Variants in KANSL1L observed in about 807,000 individuals in gnomAD.
KANSL1L encodes KAT8 regulatory NSL complex subunit 1-like protein.
In KANSL1L, 25 loss-of-function variants were observed where a neutral mutation model predicts 108.6. The ratio of observed to expected loss-of-function variants is 0.23; its 90% CI spans 0.17 to 0.32. KANSL1L has a LOEUF of 0.32. Ranked by LOEUF, KANSL1L falls within the 10% of genes least tolerant of loss-of-function variation. The probability of loss-of-function intolerance (pLI) is 1.00; values close to 1 mark genes in which losing one functional copy is unlikely to be tolerated. For synonymous variants in KANSL1L, 405 were observed against 395.1 expected (o/e 1.03, Z -0.30); for missense variants, 1,137 against 1,125.7 (o/e 1.01, Z -0.14).
At chr2:210,126,263 G>A (rs1463178931) in intron 3 of KANSL1L, among the ~76,000 whole-genome samples, 2 of 152,002 alleles carry the variant, frequency 1.3e-5, no homozygotes, top group Admixed American at 1.3e-4. Context: ...AGATAACCAA[G>A]GAGTTGATAG....
At chr2:210,141,447 G>A (rs2095228852) in intron 2 of KANSL1L, among the ~76,000 whole-genome samples, 1 of 152,048 alleles carries the variant, frequency 6.6e-6, no homozygotes. Flanking sequence ...TATAAAAGAG[G>A]CCTGAGGAAG....
chr2:210,124,432 A>T (rs570503138), intron 3 of KANSL1L, among the ~76,000 whole-genome samples: 45 of 152,296 alleles, frequency 3.0e-4, no homozygotes, highest in African/African-American at 1.1e-3. Context: ...AAAAATTAGA[A>T]AACAGTTAGA....
At chr2:210,084,513 G>A (rs2094618874) in intron 5 of KANSL1L, among the ~76,000 whole-genome samples, 1 of 151,848 alleles carries the variant, frequency 6.6e-6, no homozygotes, top group Admixed American at 6.6e-5. Flanking sequence ...AATATTAACT[G>A]AAAAAGATAT....
intron 5 of KANSL1L, among the ~76,000 whole-genome samples, chr2:210,084,958 T>C (rs762349748): frequency 1.3e-4 from 20 of 152,220 alleles, no homozygotes; most frequent in East Asian, 1.9e-4. Context: ...GAAATGGCTA[T>C]TGAAAATAAA....
At chr2:210,058,836 C>CAAA (rs71043968) in intron 6 of KANSL1L, among the ~76,000 whole-genome samples, 1 of 65,812 alleles carries the variant, frequency 1.5e-5, no homozygotes, top group African/African-American at 5.8e-5. Flanking sequence ...GACTCCGTCT[C>CAAA]AAAAAAAAAA....
chr2:210,161,348 A>G (rs2095360331), intron 1 of KANSL1L, among the ~76,000 whole-genome samples: 1 of 152,146 alleles, frequency 6.6e-6, no homozygotes, highest in African/African-American at 2.4e-5. Context: ...CTTAAATCAT[A>G]TCATTCTAAA....
At chr2:210,131,058 G>A (rs1255557732) in intron 2 of KANSL1L, among the ~76,000 whole-genome samples, 2 of 152,092 alleles carry the variant, frequency 1.3e-5, no homozygotes, top group Non-Finnish European at 2.9e-5. Flanking sequence ...GAGCAAATGC[G>A]CTGTAAGCAA....
At chr2:210,039,349 C>A (rs529435689) in intron 8 of KANSL1L, among the ~76,000 whole-genome samples, 84 of 151,958 alleles carry the variant, frequency 5.5e-4, no homozygotes, top group African/African-American at 1.9e-3. Flanking sequence ...CATGTAGGTA[C>A]TCGTTAAGTT....
chr2:210,100,812 A>G (rs575605202), intron 4 of KANSL1L, among the ~76,000 whole-genome samples: 5 of 152,038 alleles, frequency 3.3e-5, no homozygotes, highest in Admixed American at 6.5e-5. Context: ...TACTTTTTGT[A>G]TTTTTTGTAG....
rs1054194279 is a variant in KANSL1L at position 210,022,160 on chromosome 2, A to G, written c.*789T>C. 6.6e-6 allele frequency: 1 copy of G among 151,944 alleles called. No homozygotes were observed. The highest frequency in any genetic ancestry group is 6.6e-5 in the Admixed American group (1 of 15,238). The allele number at this position is 151,944 out of a possible 1,614,324, so 9.4% of individuals were successfully genotyped here. A position where few individuals can be genotyped will look rare whatever the true frequency, so the allele number is the denominator to read the frequency against. ...TTAAAGTGCACCAATATTTGACTCA[A>G]ATTTGCTTGCTTTATTTTGTTAGGA... On this transcript the variant is annotated 3_prime_UTR_variant, in exon 15 of 15. Transcript: ENST00000281772.
At chr2:210,156,883 T>G (rs1238895871) in intron 1 of KANSL1L, among the ~76,000 whole-genome samples, 1 of 152,044 alleles carries the variant, frequency 6.6e-6, no homozygotes, top group Non-Finnish European at 1.5e-5. Context: ...TTGTATAATG[T>G]CTCAAAATGT....
intron 6 of KANSL1L, among the ~76,000 whole-genome samples, chr2:210,053,692 G>T (rs2094317945): frequency 6.6e-6 from 1 of 151,614 alleles, no homozygotes. Flanking sequence ...TAATGAAAAG[G>T]TTGATAAATT....
At chr2:210,129,404 G>C (rs530910974) in intron 2 of KANSL1L, among the ~76,000 whole-genome samples, 13 of 152,194 alleles carry the variant, frequency 8.5e-5, no homozygotes, top group South Asian at 4.1e-4. Flanking sequence ...CCCTGTAGTA[G>C]GATAATTCCT....
At chr2:210,124,649 A>T (rs78360128) in intron 3 of KANSL1L, among the ~76,000 whole-genome samples, 107 of 152,152 alleles carry the variant, frequency 7.0e-4, no homozygotes, top group African/African-American at 2.5e-3. Flanking sequence ...AATAATAAAG[A>T]TTAGGGTAGA....
At chr2:210,043,520 T>C (rs115582739) in intron 7 of KANSL1L, 1 of 154,222 alleles carries the variant, frequency 6.5e-6, no homozygotes, top group African/African-American at 2.4e-5. Context: ...CCCTCTGCAT[T>C]GAGAAATTCA....
chr2:210,105,561 T>A lies in KANSL1L; in HGVS notation c.1231-1260A>T, dbSNP rs181436819. ...TGCTGTGGGCCACCTACATCATGCA[T>A]AAGTCTTATTTATAAGATGGAAATT... is the stretch of plus-strand genomic sequence containing the variant. On this transcript the variant is annotated intron_variant, in intron 3 of 14. Coordinates refer to ENST00000281772, the MANE Select transcript of KANSL1L (RefSeq NM_152519.4). 4.3e-4 allele frequency among the ~76,000 whole-genome samples: 65 copies of A among 151,720 alleles called. 1 individual carries two copies. The East Asian group carries it at 0.012, about 27-fold the overall frequency.
intron 5 of KANSL1L, among the ~76,000 whole-genome samples, chr2:210,078,323 A>G (rs949687501): frequency 2.0e-5 from 3 of 152,228 alleles, no homozygotes; most frequent in East Asian, 1.9e-4. Context: ...TATGTGGTGC[A>G]TTACAGTATA....
intron 3 of KANSL1L, among the ~76,000 whole-genome samples, chr2:210,124,961 T>C (rs1007219840): frequency 6.6e-6 from 1 of 151,676 alleles, no homozygotes; most frequent in Non-Finnish European, 1.5e-5. Context: ...CTCAAAGAAA[T>C]AGAAAATTTG....
chr2:210,072,058 A>G (rs2094511536), intron 6 of KANSL1L, among the ~76,000 whole-genome samples: 1 of 152,184 alleles, frequency 6.6e-6, no homozygotes, highest in African/African-American at 2.4e-5. Flanking sequence ...ATTTTGTCTA[A>G]TCTACCATCA....
Sources: allele counts gnomAD v4.1 joint callset (sites outside exome capture counted in the v4.1 genomes callset), GRCh38; gene constraint gnomAD v4.1.1; transcripts MANE v1.5; gene names NCBI Gene and HGNC (gene_info 2026-07-23, HGNC 2026-07-21).